Variants in CHSY3 observed in about 807,000 individuals in gnomAD.
CHSY3 encodes N-acetylgalactosaminyl-proteoglycan 3-beta-glucuronosyltransferase 3.
In CHSY3, 35 loss-of-function variants were observed where a neutral mutation model predicts 67.2. That is an observed-to-expected ratio of 0.52 (90% CI 0.40 to 0.69). CHSY3 has a LOEUF of 0.69. CHSY3 is among the 30% of genes least tolerant of loss of function. CHSY3 has a pLI of 0.00. For synonymous variants in CHSY3, 474 were observed against 434.7 expected, an observed-to-expected ratio of 1.09 and a Z score of -1.12; for missense variants, 1,069 against 1,138.5, an observed-to-expected ratio of 0.94 and a Z score of 0.88.
At chr5:130,088,005 G>C (rs1248732555) in intron 2 of CHSY3, among the ~76,000 whole-genome samples, 1 of 152,102 alleles carries the variant, frequency 6.6e-6, no homozygotes, top group Non-Finnish European at 1.5e-5. Flanking sequence ...ACATGGTAGT[G>C]GTACCAAAAC....
At chr5:130,078,023 G>C (rs62391438) in intron 2 of CHSY3, among the ~76,000 whole-genome samples, 8,519 of 151,998 alleles carry the variant, frequency 0.056, 354 homozygotes, top group Non-Finnish European at 0.082. Context: ...TTTCTCTGTT[G>C]AACTGTATTA....
intron 2 of CHSY3, among the ~76,000 whole-genome samples, chr5:130,042,108 T>G (rs182406909): frequency 1.2e-3 from 182 of 152,088 alleles, no homozygotes; most frequent in African/African-American, 4.3e-3. Flanking sequence ...TGGTGGCACA[T>G]GCCTGTAGTC....
chr5:129,942,329 T>C (rs909667824), intron 2 of CHSY3, among the ~76,000 whole-genome samples: 1 of 152,206 alleles, frequency 6.6e-6, no homozygotes, highest in Non-Finnish European at 1.5e-5. Context: ...ACTAAATTTG[T>C]TTTATTTAAA....
chr5:129,935,109 C>T (rs1761444524), intron 2 of CHSY3, among the ~76,000 whole-genome samples: 1 of 152,104 alleles, frequency 6.6e-6, no homozygotes, highest in Non-Finnish European at 1.5e-5. Flanking sequence ...AGTTATCTCT[C>T]ATTATTGTGA....
intron 2 of CHSY3, among the ~76,000 whole-genome samples, chr5:130,160,108 G>A (rs1029279325): frequency 6.6e-6 from 1 of 152,144 alleles, no homozygotes; most frequent in Admixed American, 6.5e-5. Context: ...GTCAAATTTT[G>A]CATTCCAGTT....
rs191114696 is a variant in CHSY3, at chr5:130,057,751, G to A, written c.1087-126478G>A. Among the ~76,000 whole-genome samples, 11 of 152,152 alleles carry A rather than the reference G, an allele frequency of 7.2e-5. 1 individual carries two copies. Among genetic ancestry groups the A allele is most frequent in the East Asian group, 3.9e-4 (2 of 5,174 alleles). On this transcript the variant is annotated intron_variant, in intron 2 of 2. Transcript: ENST00000305031. ...AGTAACTCTGTTGATGAAAACATTC[G>A]TACCAAGATGTTTACCCAATTTGTG... is the stretch of plus-strand genomic sequence containing the variant.
chr5:129,947,141 C>T (rs1488068916), intron 2 of CHSY3, among the ~76,000 whole-genome samples: 1 of 152,072 alleles, frequency 6.6e-6, no homozygotes, highest in African/African-American at 2.4e-5. Flanking sequence ...GAAGTAAACA[C>T]GTTTTTCTTC....
intron 2 of CHSY3, among the ~76,000 whole-genome samples, chr5:130,065,055 T>A (rs1270471585): frequency 6.6e-6 from 1 of 152,172 alleles, no homozygotes; most frequent in African/African-American, 2.4e-5. Context: ...ACTTGGTTTC[T>A]GTAACTCATT....
intron 2 of CHSY3, among the ~76,000 whole-genome samples, chr5:130,081,463 T>C (rs1444288275): frequency 1.3e-5 from 2 of 151,910 alleles, no homozygotes; most frequent in Non-Finnish European, 2.9e-5. Context: ...CCCATGAACA[T>C]AGTGTGATGA....
intron 2 of CHSY3, among the ~76,000 whole-genome samples, chr5:130,183,911 A>T (rs1770327991): frequency 6.6e-6 from 1 of 151,774 alleles, no homozygotes; most frequent in South Asian, 2.1e-4. Flanking sequence ...TTCTCACCAC[A>T]ATAATAACTA....
chr5:129,958,965 C>G (rs1235975252), intron 2 of CHSY3, among the ~76,000 whole-genome samples: 1 of 151,996 alleles, frequency 6.6e-6, no homozygotes, highest in Non-Finnish European at 1.5e-5. Context: ...CCTTGTTAGC[C>G]TAAATAAATG....
intron 2 of CHSY3, among the ~76,000 whole-genome samples, chr5:129,950,724 A>G (rs1017486504): frequency 1.3e-5 from 2 of 152,214 alleles, no homozygotes; most frequent in East Asian, 3.8e-4. Flanking sequence ...AGAGCTGTAC[A>G]CTGAAAACTG....
Position 130,184,335 on chromosome 5 carries a change from G to A in CHSY3, c.1193G>A (p.Arg398Lys), listed in dbSNP as rs1221129068. 2.5e-6 allele frequency: 4 copies of A among 1,613,838 alleles called. No individual in the cohort carries two copies. In the Admixed American group the frequency reaches 6.7e-5, roughly 27 times the overall value. ...HAAITLHPNK[R>K]PAYQYRLHNY... Reference sequence around the variant, plus strand: ...GCCATAACACTTCATCCCAACAAAAGGCCTGCATACCAATACAGGCTGCAT... The same window carrying A: ...GCCATAACACTTCATCCCAACAAAAAGCCTGCATACCAATACAGGCTGCAT... Residue 398 changes from arginine to lysine, a missense_variant, in exon 3 of 3, where the codon AGG becomes AAG. Transcript: ENST00000305031.
At chr5:130,180,187 CCT>C (rs766552847) in intron 2 of CHSY3, among the ~76,000 whole-genome samples, 71 of 152,284 alleles carry the variant, frequency 4.7e-4, no homozygotes, top group Non-Finnish European at 7.9e-4. Flanking sequence ...CTCATTTCCC[CCT>C]GTTTCCAAAT....
At chr5:130,113,954 T>C (rs1188789143) in intron 2 of CHSY3, among the ~76,000 whole-genome samples, 1 of 152,174 alleles carries the variant, frequency 6.6e-6, no homozygotes, top group Non-Finnish European at 1.5e-5. Context: ...CTATGTTATG[T>C]TTTGGAATGT....
chr5:129,930,952 A>G (rs971609314), intron 2 of CHSY3, among the ~76,000 whole-genome samples: 2 of 152,194 alleles, frequency 1.3e-5, no homozygotes, highest in African/African-American at 4.8e-5. Flanking sequence ...TGTCTGGTGC[A>G]CATCAGTCTT....
intron 2 of CHSY3, among the ~76,000 whole-genome samples, chr5:130,128,255 C>A (rs78981864): frequency 9.7e-6 from 1 of 102,872 alleles, no homozygotes; most frequent in African/African-American, 4.6e-5. Context: ...TGTGTGTGTG[C>A]GCTCACATGC....
chr5:129,990,919 A>G (rs1193963634), intron 2 of CHSY3, among the ~76,000 whole-genome samples: 1 of 152,126 alleles, frequency 6.6e-6, no homozygotes, highest in Non-Finnish European at 1.5e-5. Flanking sequence ...TCTACAGAGC[A>G]CATAACCCAG....
At position 130,143,820 on chromosome 5, in the gene CHSY3, A is replaced by G. The variant is rs1355987918; in HGVS notation, c.1087-40409A>G. On this transcript the variant is annotated intron_variant, in intron 2 of 2. Transcript: ENST00000305031. ...TATATATATATGTGTGTATATATATATATATATATATATATATATATATAT... is the reference window on the plus strand; with the variant it reads ...TATATATATATGTGTGTATATATATGTATATATATATATATATATATATAT... Among the ~76,000 whole-genome samples, 112 of 124,126 alleles carry G rather than the reference A, an allele frequency of 9.0e-4. 2 individuals carry two copies. The highest frequency in any genetic ancestry group is 5.8e-4 in the Admixed American group (7 of 12,088). 81.4% of individuals were successfully genotyped at this position (124,126 alleles called of 152,430 possible).
Sources: gnomAD v4.1 joint callset for allele counts (sites outside exome capture counted in the v4.1 genomes callset) on GRCh38, gnomAD v4.1.1 for gene constraint, MANE v1.5 for transcripts, NCBI Gene and HGNC (gene_info 2026-07-23, HGNC 2026-07-21) for gene names.